SARNP: variants seen among roughly 807,000 people sequenced by gnomAD.
SARNP encodes the protein SAP domain-containing ribonucleoprotein.
SARNP carries 5 observed loss-of-function variants against 38.1 expected under a neutral mutation model. The observed-to-expected ratio is 0.13, with a 90% CI of 0.07 to 0.28. The LOEUF (loss-of-function observed/expected upper bound fraction) is 0.28. SARNP is among the 10% of genes least tolerant of loss of function. SARNP has a pLI of 1.00. For missense variants in SARNP, 180 were observed against 243.9 expected (o/e 0.74, Z 1.75); for synonymous variants, 84 against 80.6 (o/e 1.04, Z -0.23).
chr12:55,808,376 T>G (rs1014490538), intron 1 of SARNP, among the ~76,000 whole-genome samples: 1 of 151,758 alleles, frequency 6.6e-6, no homozygotes, highest in East Asian at 1.9e-4. Context: ...TGGAGTGCAA[T>G]GGCGTGATCT....
chr12:55,804,708 G>A (rs965169073), intron 1 of SARNP, among the ~76,000 whole-genome samples: 52 of 152,170 alleles, frequency 3.4e-4, no homozygotes, highest in African/African-American at 1.2e-3. Context: ...CTTATTTTAC[G>A]AAGCACAACG....
chr12:55,799,571 T>TTTTTC (rs1555173538), intron 4 of SARNP, among the ~76,000 whole-genome samples: 4 of 145,956 alleles, frequency 2.7e-5, no homozygotes, highest in Non-Finnish European at 4.5e-5. Context: ...TTTTTTTTTT[T>TTTTTC]TTTTCCCGAG....
intron 9 of SARNP, among the ~76,000 whole-genome samples, chr12:55,778,338 G>C (rs1158737524): frequency 2.0e-5 from 3 of 151,990 alleles, no homozygotes; most frequent in Non-Finnish European, 4.4e-5. Flanking sequence ...GTAAAGATGG[G>C]GTTTCACCAT....
At chr12:55,814,344 ACT>A (rs1324540610) in intron 1 of SARNP, among the ~76,000 whole-genome samples, 2 of 151,928 alleles carry the variant, frequency 1.3e-5, no homozygotes, top group Admixed American at 6.6e-5. Flanking sequence ...TTTCAATATC[ACT>A]CTGATTTACC....
intron 9 of SARNP, among the ~76,000 whole-genome samples, chr12:55,787,077 C>A (rs1335965692): frequency 1.3e-5 from 2 of 151,016 alleles, no homozygotes; most frequent in South Asian, 4.2e-4. Context: ...AAAAAAAATT[C>A]AAAAACTGGC....
intron 4 of SARNP, among the ~76,000 whole-genome samples, chr12:55,797,752 G>A (rs999599793): frequency 1.3e-5 from 2 of 152,032 alleles, no homozygotes; most frequent in South Asian, 4.1e-4. Context: ...GGGATGCATG[G>A]GAAATTTCCA....
intron 2 of SARNP, 145 bp from the exon 3 acceptor site, chr12:55,801,045 C>A (rs1879965614): frequency 5.9e-6 from 4 of 677,776 alleles, no homozygotes; most frequent in Middle Eastern, 2.4e-4. Flanking sequence ...TCTGCTACAT[C>A]TGGAGAAGAT....
chr12:55,753,303 C>G (rs542338859), downstream of SARNP: 1 of 152,334 alleles, frequency 6.6e-6, no homozygotes, highest in Admixed American at 6.5e-5. Context: ...TGACAAAAAT[C>G]TAAACCAACA....
chr12:55,754,801 T>C (rs1878452403), downstream of SARNP: 1 of 152,204 alleles, frequency 6.6e-6, no homozygotes, highest in Admixed American at 6.5e-5. Context: ...TTTGGTACAG[T>C]CTGAAAAGAG....
chr12:55,794,159 T>C, intron 7 of SARNP, 200 bp downstream of exon 7: 1 of 571,878 alleles, frequency 1.7e-6, no homozygotes, highest in Non-Finnish European at 3.1e-6. Flanking sequence ...CTTCCTATCC[T>C]CTCATAACAT....
intron 1 of SARNP, among the ~76,000 whole-genome samples, chr12:55,807,707 A>G (rs1880194658): frequency 6.6e-6 from 1 of 150,832 alleles, no homozygotes; most frequent in African/African-American, 2.4e-5. Flanking sequence ...CCAGCTCCTC[A>G]GGAGGCTGAG....
chr12:55,757,596 A>G (rs773513559), intron 10 of SARNP, 43 bp from the exon 11 acceptor site: 9 of 1,540,124 alleles, frequency 5.8e-6, no homozygotes, highest in Admixed American at 3.8e-5. Context: ...ACTGAAGACA[A>G]TAGTTGCCTG....
chr12:55,785,833 T>C (rs899783514), intron 9 of SARNP, among the ~76,000 whole-genome samples: 1 of 151,160 alleles, frequency 6.6e-6, no homozygotes, highest in Non-Finnish European at 1.5e-5. Context: ...GAGTGCAGTG[T>C]CACTATCATG....
intron 9 of SARNP, among the ~76,000 whole-genome samples, chr12:55,777,988 G>A (rs909593894): frequency 1.3e-5 from 2 of 152,118 alleles, no homozygotes; most frequent in Non-Finnish European, 2.9e-5. Context: ...CATAATAAAA[G>A]TAAGAAGTGT....
intron 9 of SARNP, among the ~76,000 whole-genome samples, chr12:55,784,097 T>C (rs1362494868): frequency 6.6e-6 from 1 of 152,102 alleles, no homozygotes; most frequent in Admixed American, 6.6e-5. Flanking sequence ...ACAACAGAGA[T>C]GACAAAAAGT....
At chr12:55,774,587 A>C (rs915275772) in intron 9 of SARNP, among the ~76,000 whole-genome samples, 1 of 149,240 alleles carries the variant, frequency 6.7e-6, no homozygotes, top group African/African-American at 2.5e-5. Flanking sequence ...AACAAAAAAA[A>C]AAAAACAAAA....
chr12:55,817,716 C>T lies in SARNP; in HGVS notation c.-15G>A. ...TCGGTCGCCATCTTGTTACCCCTCA[C>T]TCCACTAGGCCCCCACCCGCGGCCT... On this transcript the variant is annotated 5_prime_UTR_variant, in exon 1 of 11. In the 5' UTR this introduces an upstream ATG that the reference lacks. Coordinates refer to ENST00000336133, the MANE Select transcript of SARNP (RefSeq NM_033082.4). The T allele has an allele frequency of 1.2e-6, 2 of 1,611,636 alleles. No homozygotes were observed. The highest frequency in any genetic ancestry group is 1.7e-6 in the Non-Finnish European group (2 of 1,179,098).
chr12:55,772,004 G>A (rs1192127591), intron 9 of SARNP, among the ~76,000 whole-genome samples: 2 of 152,060 alleles, frequency 1.3e-5, no homozygotes, highest in African/African-American at 4.8e-5. Flanking sequence ...GAAACACTTG[G>A]ATGCTTAAAA....
intron 4 of SARNP, among the ~76,000 whole-genome samples, chr12:55,800,174 G>C (rs1248096234): frequency 6.6e-6 from 1 of 151,434 alleles, no homozygotes; most frequent in Non-Finnish European, 1.5e-5. Flanking sequence ...CTGGGCAACA[G>C]AGTGAGATCC....
Sources: allele counts gnomAD v4.1 joint callset (sites outside exome capture counted in the v4.1 genomes callset), GRCh38; gene constraint gnomAD v4.1.1; transcripts MANE v1.5; gene names NCBI Gene and HGNC (gene_info 2026-07-23, HGNC 2026-07-21).